Variants in EPHA4 observed in about 807,000 individuals in gnomAD.
EPHA4 encodes ephrin type-A receptor 4.
Under a neutral mutation model 108.3 loss-of-function variants are expected in EPHA4, and 19 were observed. The observed-to-expected ratio is 0.18, with a 90% CI of 0.12 to 0.26. The LOEUF (loss-of-function observed/expected upper bound fraction) is 0.26, where lower values mean the gene tolerates loss of function less well. Ranked by LOEUF, EPHA4 falls within the 10% of genes least tolerant of loss-of-function variation. The pLI is 1.00. For missense variants in EPHA4, 917 were observed against 1,254.0 expected (o/e 0.73, Z 4.06); for synonymous variants, 449 against 455.5 (o/e 0.99, Z 0.18).
chr2:221,501,271 T>C, intron 3 of EPHA4, 99 bp from the exon 4 acceptor site: 1 of 1,087,600 alleles, frequency 9.2e-7, no homozygotes, highest in Non-Finnish European at 1.3e-6. Flanking sequence ...AAGGGAGACG[T>C]TCTTGCTAAT....
At position 221,564,096 on chromosome 2, in the gene EPHA4, C is replaced by A; in HGVS notation, c.458G>T (p.Ser153Ile). The A allele has an allele frequency of 6.2e-7, 1 of 1,614,156 alleles. No individual in the cohort carries two copies. The highest frequency in any genetic ancestry group is 8.5e-7 in the Non-Finnish European group (1 of 1,180,028). ...VKIDTIAADE[S>I]FTQVDIGDRI... ...GTCACCAATGTCCACTTGGGTGAAGCTCTCATCAGCAGCAATGGTGTCAAT... is the reference window on the plus strand; with the variant it reads ...GTCACCAATGTCCACTTGGGTGAAGATCTCATCAGCAGCAATGGTGTCAAT... The change falls in exon 3 of 18, where the codon AGC (serine) becomes ATC (isoleucine). Residue 153 changes from serine to isoleucine, a missense_variant. Around this residue, in one of 3 missense-constraint regions of EPHA4, gnomAD observed 758 missense variants for 1,076.7 expected, o/e 0.70. Coordinates refer to ENST00000281821, the MANE Select transcript of EPHA4 (RefSeq NM_004438.5).
chr2:221,507,132 G>C (rs1692654686), intron 3 of EPHA4, among the ~76,000 whole-genome samples: 1 of 152,134 alleles, frequency 6.6e-6, no homozygotes, highest in Admixed American at 6.6e-5. Context: ...GTTCATTTTT[G>C]AGATGAATAA....
intron 14 of EPHA4, among the ~76,000 whole-genome samples, chr2:221,433,080 T>C (rs780992158): frequency 6.6e-6 from 1 of 152,102 alleles, no homozygotes; most frequent in Non-Finnish European, 1.5e-5. Flanking sequence ...CGCCTCGGCC[T>C]CCCAAAGTGC....
intron 3 of EPHA4, among the ~76,000 whole-genome samples, chr2:221,513,587 C>T (rs987383677): frequency 1.3e-5 from 2 of 152,052 alleles, no homozygotes; most frequent in South Asian, 2.1e-4. Flanking sequence ...TTATTAGCAA[C>T]GTATTACGAT....
intron 15 of EPHA4, among the ~76,000 whole-genome samples, chr2:221,429,302 C>T (rs78954429): frequency 2.6e-4 from 39 of 152,328 alleles, no homozygotes; most frequent in Admixed American, 9.2e-4. Context: ...ATGTTCTCTA[C>T]AGACTGATAT....
intron 5 of EPHA4, among the ~76,000 whole-genome samples, chr2:221,463,755 A>T (rs3770169): frequency 6.6e-6 from 1 of 152,204 alleles, no homozygotes; most frequent in African/African-American, 2.4e-5. Context: ...ATTTTACTGC[A>T]GCAGTTTGGT....
At chr2:221,490,219 T>A (rs1251019525) in intron 4 of EPHA4, among the ~76,000 whole-genome samples, 36 of 77,266 alleles carry the variant, frequency 4.7e-4, no homozygotes, top group East Asian at 7.1e-4. Context: ...ATAATAATAA[T>A]AATAAAGAGA....
At chr2:221,515,737 A>G (rs1248669931) in intron 3 of EPHA4, among the ~76,000 whole-genome samples, 2 of 152,124 alleles carry the variant, frequency 1.3e-5, no homozygotes, top group South Asian at 4.1e-4. Flanking sequence ...GGATCCTTTG[A>G]GCCCAGGAGG....
At chr2:221,473,523 T>G (rs1691556240) in intron 5 of EPHA4, among the ~76,000 whole-genome samples, 1 of 132,052 alleles carries the variant, frequency 7.6e-6, no homozygotes, top group African/African-American at 2.9e-5. Flanking sequence ...GTCCTGTGCA[T>G]GGCTTTTGGG....
At chr2:221,529,770 G>A (rs891111561) in intron 3 of EPHA4, among the ~76,000 whole-genome samples, 1 of 152,300 alleles carries the variant, frequency 6.6e-6, no homozygotes, top group Middle Eastern at 3.4e-3. Flanking sequence ...CTCCAACACC[G>A]AGGGTTTCTA....
chr2:221,565,345 C>T (rs562806158), intron 2 of EPHA4, among the ~76,000 whole-genome samples: 8 of 152,170 alleles, frequency 5.3e-5, no homozygotes, highest in South Asian at 2.1e-4. Flanking sequence ...AAAAATAATC[C>T]GAAAAGCAGC....
rs371803092 is a variant in EPHA4, at chr2:221,542,495, G to T, written c.823+21236C>A. 2.2e-4 allele frequency among the ~76,000 whole-genome samples: 33 copies of T among 152,280 alleles called. No homozygotes were observed. In the South Asian group the frequency reaches 6.8e-3, roughly 32 times the overall value. ...AGGATTTGAACTCCTGGTTCTGTAT[G>T]GGGAAATATTTTAAAGTCCATACTT... On this transcript the variant is annotated intron_variant, in intron 3 of 17. Transcript: ENST00000281821.
chr2:221,501,030 A>T lies in EPHA4; in HGVS notation c.966T>A (p.Ser322=). ...GFFRADNDAA[S]MPCTRPPSAP... ...CATACAACTTACGGGTGCAGGGCAT[A>T]GAGGCAGCATCGTTGTCAGCTCTGA... The change falls in exon 4 of 18, where the codon TCT becomes TCA. Residue 322 remains serine (S), a synonymous_variant. Coordinates refer to ENST00000281821, the MANE Select transcript of EPHA4 (RefSeq NM_004438.5). 1.2e-6 allele frequency: 2 copies of T among 1,609,758 alleles called. No individual in the cohort carries two copies. Among genetic ancestry groups the T allele is most frequent in the Non-Finnish European group, 8.5e-7 (1 of 1,178,334 alleles).
intron 14 of EPHA4, among the ~76,000 whole-genome samples, chr2:221,432,194 C>A (rs1690098315): frequency 6.6e-6 from 1 of 151,088 alleles, no homozygotes; most frequent in South Asian, 2.1e-4. Flanking sequence ...AATTACAGAT[C>A]TGAACATATT....
chr2:221,421,694 C>G (rs1193714817), intron 17 of EPHA4, among the ~76,000 whole-genome samples: 1 of 152,202 alleles, frequency 6.6e-6, no homozygotes, highest in Non-Finnish European at 1.5e-5. Flanking sequence ...TTTATAACAA[C>G]CAACTATCCA....
intron 5 of EPHA4, among the ~76,000 whole-genome samples, chr2:221,473,393 C>T (rs948010410): frequency 1.2e-4 from 18 of 151,720 alleles, no homozygotes; most frequent in African/African-American, 4.1e-4. Context: ...TATTGTATAC[C>T]CACATCACAA....
intron 3 of EPHA4, among the ~76,000 whole-genome samples, chr2:221,506,555 T>A (rs1466580053): frequency 2.0e-5 from 3 of 152,232 alleles, no homozygotes; most frequent in Non-Finnish European, 4.4e-5. Flanking sequence ...CTTTCTCTTT[T>A]CAAACATGCA....
chr2:221,573,255 G>GA (rs1280106850), upstream of EPHA4: 8 of 152,228 alleles, frequency 5.3e-5, no homozygotes. This position sits in a 1 kb window ranked among gnomAD's most constrained non-coding sequence, Gnocchi z 4.5. Context: ...AAGCTGCCCG[G>GA]AGCGGCTGCT....
At chr2:221,545,371 A>G (rs1183281304) in intron 3 of EPHA4, among the ~76,000 whole-genome samples, 1 of 152,120 alleles carries the variant, frequency 6.6e-6, no homozygotes, top group African/African-American at 2.4e-5. Context: ...CAGGAGGCTG[A>G]GGCAGGAGAA....
Sources: allele counts gnomAD v4.1 joint callset (sites outside exome capture counted in the v4.1 genomes callset), GRCh38; gene constraint gnomAD v4.1.1; regional missense constraint gnomAD v4.1.1; non-coding constraint Gnocchi (gnomAD v3.1); transcripts MANE v1.5; gene names NCBI Gene and HGNC (gene_info 2026-07-23, HGNC 2026-07-21).